The following SULF2 variants were observed in gnomAD, a reference collection of about 807,000 sequenced individuals.
SULF2 encodes extracellular sulfatase Sulf-2.
SULF2 carries 52 observed loss-of-function variants against 107.7 expected under a neutral mutation model. That is an observed-to-expected ratio of 0.48 (90% CI 0.39 to 0.61). The LOEUF is 0.61. SULF2 is among the 20% of genes least tolerant of loss of function. The probability of loss-of-function intolerance (pLI) is 0.00; values close to 1 mark genes in which losing one functional copy is unlikely to be tolerated. For synonymous variants in SULF2, 460 were observed against 464.3 expected, an observed-to-expected ratio of 0.99 and a Z score of 0.12; for missense variants, 993 against 1,177.3, an observed-to-expected ratio of 0.84 and a Z score of 2.29.
chr20:47,770,869 G>A (rs994489164), intron 1 of SULF2, among the ~76,000 whole-genome samples: 19 of 152,276 alleles, frequency 1.2e-4, no homozygotes, highest in South Asian at 2.1e-4. Context: ...ACACAACAGC[G>A]AGGGTCCCAG....
chr20:47,683,623 G>C (rs112388559), intron 6 of SULF2, among the ~76,000 whole-genome samples: 7 of 152,346 alleles, frequency 4.6e-5, no homozygotes, highest in African/African-American at 1.4e-4. Flanking sequence ...ATTGGTGGCC[G>C]TGTTAATGTC....
intron 2 of SULF2, among the ~76,000 whole-genome samples, chr20:47,737,751 C>CTTTTTT: frequency 1.1e-5 from 1 of 95,012 alleles, no homozygotes; most frequent in Middle Eastern, 6.1e-3. Flanking sequence ...TCTTTCTTTT[C>CTTTTTT]TTTGTTTTTT....
intron 2 of SULF2, 109 bp from the exon 3 acceptor site, chr20:47,737,051 C>A: frequency 4.6e-6 from 7 of 1,514,876 alleles, no homozygotes; most frequent in Non-Finnish European, 6.3e-6. Flanking sequence ...GCACATTCTG[C>A]AGACCTACGG....
chr20:47,660,503 T>C (rs1293441947), intron 18 of SULF2, among the ~76,000 whole-genome samples: 1 of 152,210 alleles, frequency 6.6e-6, no homozygotes, highest in African/African-American at 2.4e-5. Flanking sequence ...CTAGACACAG[T>C]CCCTTCCCCA....
At chr20:47,775,087 G>A (rs2090701040) in intron 1 of SULF2, among the ~76,000 whole-genome samples, 1 of 152,270 alleles carries the variant, frequency 6.6e-6, no homozygotes, top group Non-Finnish European at 1.5e-5. Flanking sequence ...GTACTTTGGT[G>A]GACTCCAAAA....
At chr20:47,718,733 G>A (rs963223521) in intron 3 of SULF2, among the ~76,000 whole-genome samples, 5 of 152,186 alleles carry the variant, frequency 3.3e-5, no homozygotes, top group African/African-American at 1.2e-4. Context: ...GGACAGATTT[G>A]CCCTTATTTA....
In SULF2 at chr20:47,681,809, C is replaced by T. The variant is rs6094778; in HGVS notation, c.1064+1185G>A. 3.3e-5 allele frequency among the ~76,000 whole-genome samples: 5 copies of T among 152,334 alleles called. No homozygotes were observed. In the East Asian group the frequency reaches 9.6e-4, roughly 29 times the overall value. On this transcript the variant is annotated intron_variant, in intron 7 of 20. Transcript: ENST00000688720. Reference sequence around the variant, plus strand: ...CAAGCGATTCTCCTGCCTCAGCCTCCTGAGTGCTGGGATTACAGGTGTACG... The same window carrying T: ...CAAGCGATTCTCCTGCCTCAGCCTCTTGAGTGCTGGGATTACAGGTGTACG...
chr20:47,715,884 C>A (rs764480332), intron 3 of SULF2, among the ~76,000 whole-genome samples: 22 of 152,270 alleles, frequency 1.4e-4, no homozygotes, highest in Non-Finnish European at 2.5e-4. Flanking sequence ...TGGCTGAGAA[C>A]GTAGATTTGT....
chr20:47,663,163 G>A lies in SULF2; in HGVS notation c.2277C>T (p.Cys759=). The change falls in exon 17 of 21, where the codon TGC becomes TGT. Residue 759 remains cysteine (C), a synonymous_variant. Transcript: ENST00000688720. ...CTSANNNTYW[C]MRTINETHNF... ...TGTGAGTCTCATTGATGGTCCTCATGCACCAGTACGTGTTATTGTTGGCGC... is the reference window on the plus strand; with the variant it reads ...TGTGAGTCTCATTGATGGTCCTCATACACCAGTACGTGTTATTGTTGGCGC... 6 of 1,614,174 alleles carry A rather than the reference G, an allele frequency of 3.7e-6. No individual in the cohort carries two copies. The highest frequency in any genetic ancestry group is 5.1e-6 in the Non-Finnish European group (6 of 1,180,028).
chr20:47,706,510 G>A (rs1021994862), intron 3 of SULF2: 4 of 152,182 alleles, frequency 2.6e-5, no homozygotes, highest in African/African-American at 7.2e-5. Context: ...ACAAGTGGGC[G>A]GGTATGTTCC....
intron 1 of SULF2, among the ~76,000 whole-genome samples, chr20:47,781,480 A>T (rs2090832750): frequency 6.6e-6 from 1 of 152,134 alleles, no homozygotes; most frequent in East Asian, 1.9e-4. Context: ...ACTGGTTTGG[A>T]CAAAAAACAG....
At chr20:47,708,418 T>C (rs540624153) in intron 3 of SULF2, among the ~76,000 whole-genome samples, 1 of 152,178 alleles carries the variant, frequency 6.6e-6, no homozygotes, top group African/African-American at 2.4e-5. Context: ...ACAGATCCCA[T>C]AGGGTCCTGG....
intron 3 of SULF2, among the ~76,000 whole-genome samples, chr20:47,731,197 T>TTTTTTTTTTTTTTTTTTTTTTTTTA (rs2089600869): frequency 9.4e-6 from 1 of 105,886 alleles, no homozygotes; most frequent in African/African-American, 3.4e-5. Context: ...CTTTTTTTTT[T>TTTTTTTTTTTTTTTTTTTTTTTTTA]TTTTTTTTTT....
chr20:47,728,151 G>A (rs532250488), intron 3 of SULF2, among the ~76,000 whole-genome samples: 5 of 152,276 alleles, frequency 3.3e-5, no homozygotes, highest in African/African-American at 4.8e-5. Flanking sequence ...CCCACAGGCC[G>A]GAGAGGGGGA....
intron 2 of SULF2, among the ~76,000 whole-genome samples, chr20:47,752,348 T>G (rs562863246): frequency 6.6e-6 from 1 of 152,292 alleles, no homozygotes; most frequent in African/African-American, 2.4e-5. Context: ...CAAGGACACA[T>G]GGTCAATGGT....
intron 3 of SULF2, among the ~76,000 whole-genome samples, chr20:47,717,523 G>A (rs987436423): frequency 7.2e-5 from 11 of 152,166 alleles, no homozygotes; most frequent in African/African-American, 2.4e-4. Context: ...GGCTAAAGGT[G>A]GGGACACACA....
At chr20:47,727,145 A>G (rs1017910174) in intron 3 of SULF2, among the ~76,000 whole-genome samples, 2 of 152,180 alleles carry the variant, frequency 1.3e-5, no homozygotes, top group African/African-American at 4.8e-5. Flanking sequence ...GTCCTTGCCC[A>G]GGTACCTGTG....
intron 3 of SULF2, among the ~76,000 whole-genome samples, chr20:47,722,449 A>G (rs1050968343): frequency 6.6e-6 from 1 of 151,842 alleles, no homozygotes; most frequent in South Asian, 2.1e-4. Flanking sequence ...ATTTGTAGAG[A>G]CAGGGTCTCT....
intron 2 of SULF2, among the ~76,000 whole-genome samples, chr20:47,740,286 G>A (rs761126188): frequency 6.6e-5 from 10 of 152,176 alleles, no homozygotes; most frequent in Non-Finnish European, 1.3e-4. Flanking sequence ...TAGCAGAGGC[G>A]GGGTGCTGAG....
Sources: allele counts gnomAD v4.1 joint callset (sites outside exome capture counted in the v4.1 genomes callset), GRCh38; gene constraint gnomAD v4.1.1; transcripts MANE v1.5; gene names NCBI Gene and HGNC (gene_info 2026-07-23, HGNC 2026-07-21).